The following GFRAL variants were observed in gnomAD, a reference collection of about 807,000 sequenced individuals.
The protein encoded by GFRAL is GDNF family receptor alpha-like.
In GFRAL, 36 loss-of-function variants were observed where a neutral mutation model predicts 45.4. That is an observed-to-expected ratio of 0.79 (90% CI 0.61 to 1.05). The LOEUF is 1.05. Ranked by LOEUF, GFRAL falls within the 50% of genes least tolerant of loss-of-function variation. The probability of loss-of-function intolerance (pLI) is 0.00; values close to 1 mark genes in which losing one functional copy is unlikely to be tolerated. For missense variants in GFRAL, 507 were observed against 467.5 expected (o/e 1.08, Z -0.78); for synonymous variants, 166 against 154.1 (o/e 1.08, Z -0.57).
In GFRAL at chr6:55,351,335, C is replaced by A; in HGVS notation, c.453C>A (p.Tyr151Ter). ...TCTGTAATGCACAGTTGGCCTCTTA[C>A]CTTAAAGCTTGCTCAGCAAATGGAA... ...DVVCNAQLAS[Y>*]LKACSANGNP... Residue 151 changes from tyrosine to a stop codon, truncating the protein, a stop_gained, in exon 5 of 9, where the codon TAC (tyrosine) becomes TAA (stop). Coordinates refer to ENST00000340465, the MANE Select transcript of GFRAL (RefSeq NM_207410.2). LOFTEE classifies it high-confidence loss of function. The A allele has an allele frequency of 6.2e-7, 1 of 1,613,528 alleles. No individual in the cohort carries two copies. The highest frequency in any genetic ancestry group is 8.5e-7 in the Non-Finnish European group (1 of 1,179,680).
chr6:55,366,594 C>G (rs1314607407), intron 6 of GFRAL, among the ~76,000 whole-genome samples: 4 of 136,688 alleles, frequency 2.9e-5, no homozygotes, highest in Non-Finnish European at 4.7e-5. Flanking sequence ...ATAAATTTCC[C>G]TCTACACACT....
intron 3 of GFRAL, among the ~76,000 whole-genome samples, chr6:55,345,657 C>G (rs925198897): frequency 1.3e-5 from 2 of 152,066 alleles, no homozygotes; most frequent in Non-Finnish European, 2.9e-5. Flanking sequence ...GTCTAAAATA[C>G]CAAAAACAAT....
intron 6 of GFRAL, among the ~76,000 whole-genome samples, chr6:55,368,969 C>T (rs1176989967): frequency 6.6e-6 from 1 of 152,096 alleles, no homozygotes; most frequent in East Asian, 1.9e-4. Context: ...GTGGGCTCCA[C>T]CCAGTTGGAG....
chr6:55,393,167 T>C (rs1028842049), intron 6 of GFRAL, among the ~76,000 whole-genome samples: 1 of 152,194 alleles, frequency 6.6e-6, no homozygotes, highest in Non-Finnish European at 1.5e-5. Context: ...TTTAATCACA[T>C]ATATCCATGT....
chr6:55,374,840 A>G lies in GFRAL; in HGVS notation c.952+15702A>G, dbSNP rs115400382. On this transcript the variant is annotated intron_variant, in intron 6 of 8. Transcript: ENST00000340465. ...GGGATCCAGTTTCAATTTTCTGCAT[A>G]TGCTAACCAGCACTCCAGGCATCAT... is the stretch of plus-strand genomic sequence containing the variant. Among the ~76,000 whole-genome samples, 391 of 152,220 alleles carry G rather than the reference A, an allele frequency of 2.6e-3. 1 individual carries two copies. The highest frequency in any genetic ancestry group is 9.0e-3 in the African/African-American group (372 of 41,532).
chr6:55,393,643 G>T (rs778373073), intron 6 of GFRAL, among the ~76,000 whole-genome samples: 30 of 152,032 alleles, frequency 2.0e-4, no homozygotes, highest in Non-Finnish European at 4.3e-4. Flanking sequence ...GGAAGTAAGA[G>T]AAAGAGGAAG....
chr6:55,372,731 G>A (rs1305622739), intron 6 of GFRAL, among the ~76,000 whole-genome samples: 1 of 152,116 alleles, frequency 6.6e-6, no homozygotes, highest in Non-Finnish European at 1.5e-5. Context: ...CAGGGAGACA[G>A]GGAACTATAG....
At chr6:55,342,254 A>G (rs1376013052) in intron 3 of GFRAL, among the ~76,000 whole-genome samples, 1 of 152,210 alleles carries the variant, frequency 6.6e-6, no homozygotes, top group Non-Finnish European at 1.5e-5. Flanking sequence ...GAAGGAAAAA[A>G]TGTTAAGGGC....
chr6:55,351,208 C>A, intron 4 of GFRAL, 45 bp from the exon 5 acceptor site: 3 of 1,334,944 alleles, frequency 2.2e-6, no homozygotes, highest in Non-Finnish European at 3.1e-6. Context: ...GTATGTACAG[C>A]TTTGTGTTTA....
intron 6 of GFRAL, among the ~76,000 whole-genome samples, chr6:55,397,774 G>A (rs1768846410): frequency 6.6e-6 from 1 of 152,158 alleles, no homozygotes; most frequent in Non-Finnish European, 1.5e-5. Context: ...CCTAGGTGGA[G>A]AGATAACTGA....
intron 6 of GFRAL, among the ~76,000 whole-genome samples, chr6:55,388,479 G>T (rs984498726): frequency 3.9e-5 from 6 of 152,152 alleles, no homozygotes; most frequent in African/African-American, 1.4e-4. Flanking sequence ...CTATTCACTA[G>T]CTCTTTCTAG....
At chr6:55,388,443 C>T (rs1184164575) in intron 6 of GFRAL, among the ~76,000 whole-genome samples, 1 of 152,146 alleles carries the variant, frequency 6.6e-6, no homozygotes, top group Non-Finnish European at 1.5e-5. Flanking sequence ...AGTTTCCAGG[C>T]CAGACATGAT....
intron 3 of GFRAL, among the ~76,000 whole-genome samples, chr6:55,340,504 C>A (rs1351548047): frequency 2.6e-5 from 4 of 152,086 alleles, no homozygotes; most frequent in Admixed American, 2.6e-4. Context: ...ATATAAAGAG[C>A]ATCATCAAAT....
At chr6:55,388,144 A>G (rs987034381) in intron 6 of GFRAL, among the ~76,000 whole-genome samples, 12 of 152,190 alleles carry the variant, frequency 7.9e-5, no homozygotes, top group Admixed American at 3.9e-4. Flanking sequence ...CAAGTTTGCC[A>G]TAACTCTGGG....
intron 1 of GFRAL, among the ~76,000 whole-genome samples, chr6:55,329,670 C>T (rs1767806396): frequency 6.6e-6 from 1 of 151,990 alleles, no homozygotes; most frequent in African/African-American, 2.4e-5. Flanking sequence ...TCCATGAACA[C>T]ATGAGAAAAC....
At chr6:55,392,535 A>C (rs9370417) in intron 6 of GFRAL, among the ~76,000 whole-genome samples, 2,594 of 152,188 alleles carry the variant, frequency 0.017, 76 homozygotes, top group African/African-American at 0.057. Context: ...TCATGGGGAC[A>C]TGTTGGGAAA....
intron 3 of GFRAL, among the ~76,000 whole-genome samples, chr6:55,335,635 C>T (rs1767881163): frequency 6.6e-6 from 1 of 152,080 alleles, no homozygotes; most frequent in Admixed American, 6.5e-5. Context: ...AGATATAAGT[C>T]AGATTTTCTT....
intron 6 of GFRAL, among the ~76,000 whole-genome samples, chr6:55,391,605 T>C (rs1353845045): frequency 1.3e-5 from 2 of 152,042 alleles, no homozygotes; most frequent in Non-Finnish European, 2.9e-5. Context: ...TAAAAATTAG[T>C]AGGGCATGGT....
intron 6 of GFRAL, among the ~76,000 whole-genome samples, chr6:55,380,222 C>A (rs558813755): frequency 6.6e-6 from 1 of 151,964 alleles, no homozygotes; most frequent in South Asian, 2.1e-4. Flanking sequence ...AATGGCTGCC[C>A]TAATTTATTT....
Sources: gnomAD v4.1 joint callset for allele counts (sites outside exome capture counted in the v4.1 genomes callset) on GRCh38, gnomAD v4.1.1 for gene constraint, MANE v1.5 for transcripts, NCBI Gene and HGNC (gene_info 2026-07-23, HGNC 2026-07-21) for gene names.